Variants in NCS1 observed in about 807,000 individuals in gnomAD.
NCS1 encodes the protein neuronal calcium sensor 1.
A neutral mutation model predicts 28.4 loss-of-function variants in NCS1; 6 were observed. The ratio of observed to expected loss-of-function variants is 0.21; its 90% CI spans 0.12 to 0.42. The LOEUF is 0.42. Among genes scored for constraint, NCS1 ranks in the 10% least tolerant of loss-of-function variants. The pLI, the probability that NCS1 is intolerant of heterozygous loss-of-function variation, is 1.00. For synonymous variants in NCS1, 86 were observed against 99.3 expected, an observed-to-expected ratio of 0.87 and a Z score of 0.79; for missense variants, 131 against 241.4, an observed-to-expected ratio of 0.54 and a Z score of 3.03.
In NCS1 at chr9:130,192,897, G is replaced by A. The variant is rs1358747367; in HGVS notation, c.65-8061G>A. On this transcript the variant is annotated intron_variant, in intron 1 of 7. Transcript: ENST00000372398. The surrounding 1 kb of genome is among the most constrained non-coding windows in gnomAD (Gnocchi z 4.8). ...CTGTCCTCCCCACCTCCCAGTGTGCGGTACTCCATGGTTGGCACAGCTAGT... is the reference window on the plus strand; with the variant it reads ...CTGTCCTCCCCACCTCCCAGTGTGCAGTACTCCATGGTTGGCACAGCTAGT... Among the ~76,000 whole-genome samples the A allele has an allele frequency of 6.6e-6, 1 of 152,298 alleles. No homozygotes were observed. Among genetic ancestry groups the A allele is most frequent in the East Asian group, 1.9e-4 (1 of 5,176 alleles).
intron 1 of NCS1, among the ~76,000 whole-genome samples, chr9:130,185,884 G>T (rs1348993390): frequency 6.6e-6 from 1 of 152,272 alleles, no homozygotes; most frequent in African/African-American, 2.4e-5. Flanking sequence ...GGCCTTTGCT[G>T]CGCCTGAGCG....
At chr9:130,196,689 A>G (rs1554906891) in intron 1 of NCS1, among the ~76,000 whole-genome samples, 1 of 152,182 alleles carries the variant, frequency 6.6e-6, no homozygotes, top group African/African-American at 2.4e-5. Context: ...CAGTGAGCCC[A>G]GATCAACCAT....
intron 1 of NCS1, among the ~76,000 whole-genome samples, chr9:130,183,721 CTTCT>C (rs1484169880): frequency 4.4e-5 from 6 of 135,954 alleles, no homozygotes; most frequent in Admixed American, 1.6e-4. Flanking sequence ...CCCTTCCTTC[CTTCT>C]TTCTCTCTCT....
chr9:130,189,453 G>A (rs1832785306), intron 1 of NCS1, among the ~76,000 whole-genome samples: 1 of 152,132 alleles, frequency 6.6e-6, no homozygotes, highest in Non-Finnish European at 1.5e-5. Flanking sequence ...TGTGGAATGG[G>A]ACTGATCCGG....
chr9:130,218,854 G>T (rs555990295), intron 3 of NCS1, among the ~76,000 whole-genome samples: 1 of 152,274 alleles, frequency 6.6e-6, no homozygotes, highest in African/African-American at 2.4e-5. Flanking sequence ...GTCTCCCAAA[G>T]TGCTGGGATT....
At chr9:130,202,354 A>ACCCCCCCC (rs1832961839) in intron 2 of NCS1, among the ~76,000 whole-genome samples, 1 of 113,338 alleles carries the variant, frequency 8.8e-6, no homozygotes, top group Non-Finnish European at 1.8e-5. Context: ...CCTCCCCCCC[A>ACCCCCCCC]CCCCCTGAAA....
chr9:130,222,622 A>G, intron 4 of NCS1, 28 bp from the exon 5 acceptor site: 2 of 1,606,990 alleles, frequency 1.2e-6, no homozygotes, highest in Non-Finnish European at 1.7e-6. Flanking sequence ...CCAGCCCAGG[A>G]TCACTCAGCA....
rs1833570242 is a variant in NCS1 at position 130,235,374 on chromosome 9, TC to T, written c.*2404del. ...AGGTCTTTCCCAGGTCAAATTACTTTCCTTTGGCCTCTGCCTGAGGCTCGAT... is the reference window on the plus strand; with the variant it reads ...AGGTCTTTCCCAGGTCAAATTACTTTCTTTGGCCTCTGCCTGAGGCTCGAT... On this transcript the variant is annotated 3_prime_UTR_variant, in exon 8 of 8. Transcript: ENST00000372398. 6.6e-6 allele frequency: 1 copy of T among 152,404 alleles called. No homozygotes were observed. The highest frequency in any genetic ancestry group is 2.4e-5 in the African/African-American group (1 of 41,436). The allele number at this position is 152,404 out of a possible 1,614,324, so 9.4% of individuals were successfully genotyped here.
chr9:130,231,645 A>G (rs1833503078), intron 7 of NCS1, among the ~76,000 whole-genome samples: 1 of 151,944 alleles, frequency 6.6e-6, no homozygotes, highest in African/African-American at 2.4e-5. Context: ...TGGCTTCCTA[A>G]AGGGTTGGGA....
chr9:130,190,842 G>A (rs1554906190), intron 1 of NCS1, among the ~76,000 whole-genome samples: 1 of 152,186 alleles, frequency 6.6e-6, no homozygotes, highest in Non-Finnish European at 1.5e-5. Flanking sequence ...TCTTGGAAGT[G>A]GGCTGGCAGG....
intron 2 of NCS1, among the ~76,000 whole-genome samples, chr9:130,210,400 GAA>G (rs3055585): frequency 1.6e-5 from 2 of 125,384 alleles, no homozygotes; most frequent in Non-Finnish European, 3.3e-5. Flanking sequence ...CTCAGTCTTA[GAA>G]AAAAAAAAAA....
Position 130,215,472 on chromosome 9 carries a change from G to A in NCS1, c.90-2360G>A, listed in dbSNP as rs1554909216. On this transcript the variant is annotated intron_variant, in intron 2 of 7. Coordinates refer to ENST00000372398, the MANE Select transcript of NCS1 (RefSeq NM_014286.4). The surrounding 1 kb of genome is among the most constrained non-coding windows in gnomAD (Gnocchi z 4.2). ...CCCTGAGAGTCCTGCCAGGCTGCAG[G>A]GATTCTGGGTGGGCCTGCGGACATC... Among the ~76,000 whole-genome samples the A allele has an allele frequency of 6.6e-6, 1 of 152,204 alleles. No individual in the cohort carries two copies. Among genetic ancestry groups the A allele is most frequent in the African/African-American group, 2.4e-5 (1 of 41,460 alleles).
intron 7 of NCS1, among the ~76,000 whole-genome samples, chr9:130,231,891 A>C (rs1164741933): frequency 6.6e-6 from 1 of 150,642 alleles, no homozygotes; most frequent in East Asian, 1.9e-4. Flanking sequence ...AAAAAAAAAA[A>C]GGTAGCCATC....
intron 1 of NCS1, chr9:130,200,464 CAG>C (rs1346532841): frequency 2.0e-6 from 2 of 1,004,872 alleles, no homozygotes; most frequent in Admixed American, 4.2e-5. Flanking sequence ...GACAGGCTGA[CAG>C]GGAGGGTGGT....
Position 130,186,357 on chromosome 9 carries a change from G to T in NCS1, c.64+13630G>T, listed in dbSNP as rs537108006. 8.5e-5 allele frequency among the ~76,000 whole-genome samples: 13 copies of T among 152,280 alleles called. No homozygotes were observed. The highest frequency in any genetic ancestry group is 5.9e-4 in the Admixed American group (9 of 15,312). On this transcript the variant is annotated intron_variant, in intron 1 of 7. Coordinates refer to ENST00000372398, the MANE Select transcript of NCS1 (RefSeq NM_014286.4). This position sits in a 1 kb window ranked among gnomAD's most constrained non-coding sequence, Gnocchi z 4.1. ...CATCTGGGAGGGCTTCCTGGAGGAGGTAATATTGTAGTTGAGACCCGGGGC... is the reference window on the plus strand; with the variant it reads ...CATCTGGGAGGGCTTCCTGGAGGAGTTAATATTGTAGTTGAGACCCGGGGC...
rs5900889 is a variant in NCS1 at position 130,235,120 on chromosome 9, A to ACCCCCCCCCC, written c.*2155_*2156insCCCCCCCCCC. 2 of 148,510 alleles carry ACCCCCCCCCC rather than the reference A, an allele frequency of 1.3e-5. No homozygotes were observed. Among genetic ancestry groups the ACCCCCCCCCC allele is most frequent in the African/African-American group, 5.1e-5 (2 of 39,440 alleles). 9.2% of individuals were successfully genotyped at this position (148,510 alleles called of 1,614,324 possible). On this transcript the variant is annotated 3_prime_UTR_variant, in exon 8 of 8. Coordinates refer to ENST00000372398, the MANE Select transcript of NCS1 (RefSeq NM_014286.4). Reference sequence around the variant, plus strand: ...AGGACTGCACGCTGGCCCCACGGTAACCCCCCCTCCCCCACCAACATCCTG... The same window carrying ACCCCCCCCCC: ...AGGACTGCACGCTGGCCCCACGGTAACCCCCCCCCCCCCCCCCTCCCCCACCAACATCCTG...
intron 2 of NCS1, among the ~76,000 whole-genome samples, chr9:130,204,742 A>G (rs1475604650): frequency 1.3e-5 from 2 of 152,242 alleles, no homozygotes; most frequent in Admixed American, 1.3e-4. Flanking sequence ...GCTAATTCAC[A>G]TAAGACGTTT....
intron 1 of NCS1, among the ~76,000 whole-genome samples, chr9:130,173,202 G>T (rs113837559): frequency 9.2e-5 from 14 of 151,632 alleles, no homozygotes; most frequent in East Asian, 1.9e-4. Context: ...GTTCGTGTGG[G>T]GGGGGGGGTG....
chr9:130,226,389 A>C lies in NCS1; in HGVS notation c.475A>C (p.Asn159His). The C allele has an allele frequency of 1.9e-6, 3 of 1,613,862 alleles. No homozygotes were observed. Among genetic ancestry groups the C allele is most frequent in the Non-Finnish European group, 2.5e-6 (3 of 1,179,830 alleles). ...CTCAGCCGCCTCTCTCTGCTCACAG[A>C]ATGCCGACGGGAAGCTGACCCTGCA... ...VDRIFAMMDK[N>H]ADGKLTLQEF... Residue 159 changes from asparagine to histidine, a missense_variant and splice_region_variant, in exon 7 of 8, where the codon AAT becomes CAT. Asn to His is a moderately conservative substitution (Grantham distance 68). Around this residue, in one of 2 missense-constraint regions of NCS1, gnomAD observed 100 missense variants for 210.3 expected, o/e 0.48. Transcript: ENST00000372398. The surrounding 1 kb of genome is among the most constrained non-coding windows in gnomAD (Gnocchi z 4.8).
Sources: gnomAD v4.1 joint callset for allele counts (sites outside exome capture counted in the v4.1 genomes callset) on GRCh38, gnomAD v4.1.1 for gene constraint, gnomAD v4.1.1 regional missense constraint, Gnocchi (gnomAD v3.1) non-coding constraint, MANE v1.5 for transcripts, NCBI Gene and HGNC (gene_info 2026-07-23, HGNC 2026-07-21) for gene names.